Variants in INO80 observed in about 807,000 individuals in gnomAD.
The protein encoded by INO80 is INO80 complex ATPase subunit.
In INO80, 20 loss-of-function variants were observed where a neutral mutation model predicts 203.4. The ratio of observed to expected loss-of-function variants is 0.10; its 90% CI spans 0.07 to 0.14. INO80 has a LOEUF of 0.14. INO80 is among the 10% of genes least tolerant of loss of function. INO80 has a pLI of 1.00. For synonymous variants in INO80, 726 were observed against 685.2 expected (o/e 1.06, Z -0.93); for missense variants, 1,419 against 1,914.4 (o/e 0.74, Z 4.83).
chr15:40,980,482 G>A (rs751345719), intron 35 of INO80, 42 bp from the exon 36 acceptor site: 15 of 1,479,618 alleles, frequency 1.0e-5, no homozygotes, highest in South Asian at 4.6e-5. Context: ...CACCAGTCCC[G>A]CGTAAGCTTC....
Position 40,980,163 on chromosome 15 carries a change from C to T in INO80, c.*60G>A. On this transcript the variant is annotated 3_prime_UTR_variant, in exon 36 of 36. Coordinates refer to ENST00000648947, the MANE Select transcript of INO80 (RefSeq NM_017553.3). Reference sequence around the variant, plus strand: ...TGCACGGGGCAAGCCATCCAAAGACCACTGGCAGGTCAGGACTCTAGCCCT... The same window carrying T: ...TGCACGGGGCAAGCCATCCAAAGACTACTGGCAGGTCAGGACTCTAGCCCT... The T allele has an allele frequency of 1.5e-6, 2 of 1,374,506 alleles. No homozygotes were observed. The highest frequency in any genetic ancestry group is 1.0e-6 in the Non-Finnish European group (1 of 964,632). The allele number at this position is 1,374,506 out of a possible 1,614,324, so 85.1% of individuals were successfully genotyped here. A position where few individuals can be genotyped will look rare whatever the true frequency, so the allele number is the denominator to read the frequency against.
chr15:41,062,523 A>G (rs2045130781), intron 14 of INO80, among the ~76,000 whole-genome samples: 2 of 152,028 alleles, frequency 1.3e-5, no homozygotes, highest in Non-Finnish European at 2.9e-5. Flanking sequence ...ACAGAGTGAG[A>G]CTCTGTCTCC....
intron 27 of INO80, among the ~76,000 whole-genome samples, chr15:41,015,087 T>C (rs1200116979): frequency 6.6e-6 from 1 of 152,220 alleles, no homozygotes; most frequent in Non-Finnish European, 1.5e-5. Flanking sequence ...CACTCTCCTG[T>C]TTCTAGGTCT....
chr15:41,071,205 T>C (rs1167455347), intron 12 of INO80, among the ~76,000 whole-genome samples: 2 of 152,202 alleles, frequency 1.3e-5, no homozygotes, highest in Non-Finnish European at 2.9e-5. Flanking sequence ...TTCTGCCTCT[T>C]GTCAAAGGAT....
chr15:41,006,877 A>C (rs1278545208), intron 27 of INO80, among the ~76,000 whole-genome samples: 1 of 152,236 alleles, frequency 6.6e-6, no homozygotes, highest in East Asian at 1.9e-4. Context: ...GAGAAGCATA[A>C]AATAAAGTGA....
intron 7 of INO80, among the ~76,000 whole-genome samples, chr15:41,083,490 G>A (rs1209849275): frequency 1.3e-5 from 2 of 152,072 alleles, no homozygotes; most frequent in South Asian, 2.1e-4. Flanking sequence ...CAGCTCACTT[G>A]AGGTCGGGAG....
intron 23 of INO80, among the ~76,000 whole-genome samples, chr15:41,046,909 C>T (rs369811195): frequency 4.6e-5 from 7 of 150,642 alleles, no homozygotes; most frequent in South Asian, 4.2e-4. Context: ...TGAGCCACTG[C>T]GCCTGGGCCT....
chr15:41,009,077 G>C (rs6492976), intron 27 of INO80, among the ~76,000 whole-genome samples: 150,790 of 152,326 alleles, frequency 0.99, 74,657 homozygotes, highest in Middle Eastern at 1. Flanking sequence ...GGTGATACAT[G>C]CGCCTTGGCT....
chr15:41,113,605 T>C (rs2045987742), intron 1 of INO80, among the ~76,000 whole-genome samples: 1 of 152,044 alleles, frequency 6.6e-6, no homozygotes, highest in South Asian at 2.1e-4. Context: ...ACACCACAGC[T>C]TATAATTAGT....
intron 14 of INO80, among the ~76,000 whole-genome samples, chr15:41,063,229 C>T (rs923737396): frequency 7.9e-5 from 12 of 151,820 alleles, no homozygotes; most frequent in African/African-American, 2.9e-4. Flanking sequence ...TCTAGCTACT[C>T]AGGATGTTGA....
chr15:41,093,679 C>T (rs773657503), intron 4 of INO80, among the ~76,000 whole-genome samples: 7 of 151,988 alleles, frequency 4.6e-5, no homozygotes, highest in Non-Finnish European at 7.4e-5. Flanking sequence ...GCCTGGGCAA[C>T]ATGGTGAAAC....
Position 41,080,972 on chromosome 15 carries a change from T to C in INO80, c.927+48A>G, listed in dbSNP as rs899800389. The C allele has an allele frequency of 6.5e-6, 8 of 1,232,322 alleles. No homozygotes were observed. In the Admixed American group the frequency reaches 8.6e-5, roughly 13 times the overall value. 76.3% of individuals were successfully genotyped at this position (1,232,322 alleles called of 1,614,324 possible). ...CAAGATGGACCCCAAAGAAGAAGAA[T>C]ATATTCCAGCAAAACATGAAATGGA... On this transcript the variant is annotated intron_variant, in intron 8 of 35. Coordinates refer to ENST00000648947, the MANE Select transcript of INO80 (RefSeq NM_017553.3).
intron 1 of INO80, among the ~76,000 whole-genome samples, chr15:41,103,229 T>C (rs1049730203): frequency 6.6e-6 from 1 of 152,226 alleles, no homozygotes; most frequent in Non-Finnish European, 1.5e-5. Flanking sequence ...GGGAATAATG[T>C]CTGGAATATG....
At chr15:41,084,886 G>A (rs2045537192) in intron 7 of INO80, among the ~76,000 whole-genome samples, 1 of 152,076 alleles carries the variant, frequency 6.6e-6, no homozygotes. Flanking sequence ...ACAAACATGT[G>A]CCGCTACGCC....
At chr15:41,077,839 G>A (rs1176822069) in intron 9 of INO80, among the ~76,000 whole-genome samples, 1 of 151,866 alleles carries the variant, frequency 6.6e-6, no homozygotes, top group African/African-American at 2.4e-5. Flanking sequence ...TTATGGGCAT[G>A]AGCCAATACA....
At chr15:41,099,512 T>G (rs1292985438) in intron 1 of INO80, among the ~76,000 whole-genome samples, 1 of 152,098 alleles carries the variant, frequency 6.6e-6, no homozygotes, top group Non-Finnish European at 1.5e-5. Context: ...CCAGGAGCAG[T>G]GGCTGAAGCT....
At chr15:41,107,070 A>G (rs2045890521) in intron 1 of INO80, among the ~76,000 whole-genome samples, 1 of 152,280 alleles carries the variant, frequency 6.6e-6, no homozygotes, top group Non-Finnish European at 1.5e-5. Flanking sequence ...AAAGTTACTT[A>G]AATCAGCACC....
Position 40,980,146 on chromosome 15 carries a change from G to A in INO80, c.*77C>T, listed in dbSNP as rs1893763780. 2 of 1,136,544 alleles carry A rather than the reference G, an allele frequency of 1.8e-6. No individual in the cohort carries two copies. The highest frequency in any genetic ancestry group is 1.5e-5 in the African/African-American group (1 of 65,914). The allele number at this position is 1,136,544 out of a possible 1,614,324, so 70.4% of individuals were successfully genotyped here. The stretch of plus-strand genomic sequence containing the variant: ...CTCAGGATGCAAGATGCTGCACGGG[G>A]CAAGCCATCCAAAGACCACTGGCAG... On this transcript the variant is annotated 3_prime_UTR_variant, in exon 36 of 36. Coordinates refer to ENST00000648947, the MANE Select transcript of INO80 (RefSeq NM_017553.3).
At chr15:40,995,113 C>A (rs1264867859) in intron 29 of INO80, among the ~76,000 whole-genome samples, 1 of 152,254 alleles carries the variant, frequency 6.6e-6, no homozygotes, top group East Asian at 1.9e-4. Flanking sequence ...ACCTCAGCCT[C>A]CCAAAGTGCT....
Sources: allele counts gnomAD v4.1 joint callset (sites outside exome capture counted in the v4.1 genomes callset), GRCh38; gene constraint gnomAD v4.1.1; transcripts MANE v1.5; gene names NCBI Gene and HGNC (gene_info 2026-07-23, HGNC 2026-07-21).